The following AXDND1 variants were observed in gnomAD, a reference collection of about 807,000 sequenced individuals.
The protein encoded by AXDND1 is axonemal dynein light chain domain containing 1, also known as axonemal dynein light chain domain-containing protein 1.
Under a neutral mutation model 137.5 loss-of-function variants are expected in AXDND1, and 110 were observed. The ratio of observed to expected loss-of-function variants is 0.80; its 90% CI spans 0.69 to 0.94. The LOEUF (loss-of-function observed/expected upper bound fraction) is 0.94. Ranked by LOEUF, AXDND1 falls within the 40% of genes least tolerant of loss-of-function variation. The pLI, the probability that AXDND1 is intolerant of heterozygous loss-of-function variation, is 0.00. For missense variants in AXDND1, 1,191 were observed against 1,169.8 expected, an observed-to-expected ratio of 1.02 and a Z score of -0.26; for synonymous variants, 414 against 399.7, an observed-to-expected ratio of 1.04 and a Z score of -0.43.
chr1:179,437,887 C>T (rs548257394), intron 15 of AXDND1, among the ~76,000 whole-genome samples: 1 of 152,174 alleles, frequency 6.6e-6, no homozygotes, highest in South Asian at 2.1e-4. Flanking sequence ...CATTGTGGCT[C>T]ATGCCTGTAA....
At chr1:179,545,580 CCTTAT>C (rs1672569039) in intron 25 of AXDND1, 1 of 152,172 alleles carries the variant, frequency 6.6e-6, no homozygotes, top group Admixed American at 6.5e-5. Context: ...ACAGAGCCAG[CCTTAT>C]CTTTGCTCCT....
rs761222901 is a variant in AXDND1 at position 179,378,656 on chromosome 1, G to A, written c.394G>A (p.Asp132Asn). The A allele has an allele frequency of 5.7e-5, 90 of 1,585,108 alleles. No individual in the cohort carries two copies. The highest frequency in any genetic ancestry group is 1.4e-4 in the Admixed American group (8 of 57,052). ...TTTTAGGGATATTTCTTTTCTGTACGATGTAACATATGCCAAAGGACAGAC... is the reference window on the plus strand; with the variant it reads ...TTTTAGGGATATTTCTTTTCTGTACAATGTAACATATGCCAAAGGACAGAC... ...GAGRDISFLY[D>N]VTYAKGQTRE... is the part of the protein sequence containing the mutation. The change falls in exon 5 of 26, where the codon GAT becomes AAT. Residue 132 changes from aspartate to asparagine, a missense_variant. Physicochemically the swap from Asp to Asn is conservative, Grantham distance 23. Transcript: ENST00000367618.
intron 25 of AXDND1, chr1:179,543,146 G>A (rs1404634291): frequency 6.6e-6 from 1 of 152,202 alleles, no homozygotes; most frequent in Non-Finnish European, 1.5e-5. Flanking sequence ...AAATTATATT[G>A]TGGTAACGGC....
intron 18 of AXDND1, among the ~76,000 whole-genome samples, 164 bp from the exon 19 acceptor site, chr1:179,491,374 C>T (rs940526906): frequency 3.3e-5 from 5 of 151,892 alleles, no homozygotes; most frequent in Non-Finnish European, 7.4e-5. Flanking sequence ...ATGTAGTGAG[C>T]AAAAGAAAAT....
chr1:179,391,683 T>C (rs1299371084), intron 9 of AXDND1, among the ~76,000 whole-genome samples: 1 of 151,928 alleles, frequency 6.6e-6, no homozygotes, highest in Non-Finnish European at 1.5e-5. Context: ...ATTACAAGTA[T>C]GCATTACCAT....
Position 179,525,457 on chromosome 1 carries a change from T to G in AXDND1, c.2610+10T>G. 1 of 1,594,480 alleles carries G rather than the reference T, an allele frequency of 6.3e-7. No individual in the cohort carries two copies. The highest frequency in any genetic ancestry group is 8.5e-7 in the Non-Finnish European group (1 of 1,170,448). The stretch of plus-strand genomic sequence containing the variant: ...AGAGAGAGCAGAAGAAGTAAGATTA[T>G]TTGGTATTTGTTTTTCCTCCTACAT... On this transcript the variant is annotated intron_variant, in intron 22 of 25. Coordinates refer to ENST00000367618, the MANE Select transcript of AXDND1 (RefSeq NM_144696.6).
At chr1:179,543,495 G>T (rs7529107) in intron 25 of AXDND1, 18,883 of 152,050 alleles carry the variant, frequency 0.12, 1,341 homozygotes, top group African/African-American at 0.16. Flanking sequence ...GTGCATGTTG[G>T]GGGGAGCAGG....
chr1:179,383,633 A>G (rs1320227891), intron 8 of AXDND1, 89 bp downstream of exon 8: 33 of 920,172 alleles, frequency 3.6e-5, no homozygotes, highest in Non-Finnish European at 8.7e-6. Context: ...CCTGCCATAT[A>G]TTTACTAATG....
intron 4 of AXDND1, among the ~76,000 whole-genome samples, chr1:179,375,584 A>G (rs996005434): frequency 1.4e-5 from 2 of 146,960 alleles, no homozygotes; most frequent in Non-Finnish European, 3.0e-5. Context: ...ATATATGTAC[A>G]TATATGTATA....
intron 15 of AXDND1, among the ~76,000 whole-genome samples, chr1:179,439,000 G>T (rs1241342429): frequency 2.6e-5 from 4 of 152,084 alleles, no homozygotes; most frequent in Admixed American, 2.6e-4. Flanking sequence ...ACTGGGATTG[G>T]ATCTCGGTGT....
At chr1:179,508,964 T>C (rs1300570506) in intron 20 of AXDND1, among the ~76,000 whole-genome samples, 2 of 152,218 alleles carry the variant, frequency 1.3e-5, no homozygotes, top group Admixed American at 6.5e-5. Context: ...GTTGTTATTA[T>C]GCAATCACAG....
intron 18 of AXDND1, among the ~76,000 whole-genome samples, chr1:179,487,403 T>G (rs1666200467): frequency 6.7e-6 from 1 of 148,690 alleles, no homozygotes; most frequent in South Asian, 2.1e-4. Context: ...TCAGTTGACA[T>G]GTTTGGTACA....
chr1:179,368,810 G>A lies in AXDND1; in HGVS notation c.108G>A (p.Glu36=), dbSNP rs1014490236. Residue 36 remains glutamate (E), a synonymous_variant, in exon 3 of 26, where the codon GAG becomes GAA. Coordinates refer to ENST00000367618, the MANE Select transcript of AXDND1 (RefSeq NM_144696.6). The part of the protein sequence containing the change: ...VAKEGTRGLP[E]LKEKKNMVDR... ...CCACTACTTACTTAGGACTTCCTGA[G>A]CTAAAGGAGAAAAAAAATATGGTGG... 5 of 1,611,174 alleles carry A rather than the reference G, an allele frequency of 3.1e-6. No homozygotes were observed. The highest frequency in any genetic ancestry group is 2.7e-5 in the African/African-American group (2 of 74,696).
chr1:179,514,269 T>C (rs1000132721), intron 21 of AXDND1, among the ~76,000 whole-genome samples: 2 of 152,152 alleles, frequency 1.3e-5, no homozygotes, highest in Non-Finnish European at 2.9e-5. Flanking sequence ...ATAGGTAGTG[T>C]CATTATTGTT....
At chr1:179,542,715 C>G (rs911795852) in intron 25 of AXDND1, among the ~76,000 whole-genome samples, 1 of 152,138 alleles carries the variant, frequency 6.6e-6, no homozygotes, top group African/African-American at 2.4e-5. Context: ...TCCATTCCCA[C>G]GAAAGTCTTG....
intron 21 of AXDND1, among the ~76,000 whole-genome samples, chr1:179,523,169 AT>A (rs1165284557): frequency 7.1e-6 from 1 of 139,944 alleles, no homozygotes; most frequent in Non-Finnish European, 1.6e-5. Context: ...CTAGCATTTT[AT>A]TTTTTTCAGA....
intron 21 of AXDND1, 107 bp downstream of exon 21, chr1:179,509,510 C>A: frequency 1.4e-6 from 1 of 708,522 alleles, no homozygotes; most frequent in Non-Finnish European, 2.3e-6. Context: ...TGTTCATTTA[C>A]CCTAACATAT....
intron 23 of AXDND1, among the ~76,000 whole-genome samples, chr1:179,533,374 T>G (rs1671204430): frequency 6.6e-6 from 1 of 152,220 alleles, no homozygotes. Context: ...CATTGGATTT[T>G]GCAATGTTAC....
intron 6 of AXDND1, among the ~76,000 whole-genome samples, chr1:179,382,141 C>A (rs920251998): frequency 3.4e-5 from 5 of 147,150 alleles, no homozygotes; most frequent in Non-Finnish European, 4.5e-5. Flanking sequence ...TGCAGTGGCA[C>A]GATCTCTGCT....
Sources: allele counts gnomAD v4.1 joint callset (sites outside exome capture counted in the v4.1 genomes callset), GRCh38; gene constraint gnomAD v4.1.1; transcripts MANE v1.5; gene names NCBI Gene and HGNC (gene_info 2026-07-23, HGNC 2026-07-21).